The following CPQ variants were observed in gnomAD, a reference collection of about 807,000 sequenced individuals.
CPQ encodes carboxypeptidase Q.
A neutral mutation model predicts 45.7 loss-of-function variants in CPQ; 37 were observed. The observed-to-expected ratio is 0.81, with a 90% CI of 0.62 to 1.07. The LOEUF is 1.07. Among genes scored for constraint, CPQ ranks in the 50% least tolerant of loss-of-function variants. The pLI is 0.00. For missense variants in CPQ, 537 were observed against 572.9 expected (o/e 0.94, Z 0.64); for synonymous variants, 186 against 205.8 (o/e 0.90, Z 0.82).
At chr8:97,042,452 AT>A (rs1477505546) in intron 6 of CPQ, among the ~76,000 whole-genome samples, 1 of 151,994 alleles carries the variant, frequency 6.6e-6, no homozygotes, top group African/African-American at 2.4e-5. Flanking sequence ...GGATTCATTA[AT>A]TTTTTGAAGG....
At chr8:97,003,433 A>C (rs1031614005) in intron 5 of CPQ, among the ~76,000 whole-genome samples, 4 of 151,672 alleles carry the variant, frequency 2.6e-5, no homozygotes, top group Non-Finnish European at 5.9e-5. Flanking sequence ...TAGTGGAAAA[A>C]AAGACTTTAT....
intron 3 of CPQ, among the ~76,000 whole-genome samples, chr8:96,865,568 T>C (rs1239804148): frequency 6.6e-6 from 1 of 152,052 alleles, no homozygotes; most frequent in Non-Finnish European, 1.5e-5. Flanking sequence ...TATCTGACTT[T>C]GGAGGGGTTG....
intron 4 of CPQ, among the ~76,000 whole-genome samples, chr8:96,885,908 C>T (rs1586438476): frequency 6.6e-6 from 1 of 152,070 alleles, no homozygotes; most frequent in East Asian, 1.9e-4. Context: ...AGAAGAATGG[C>T]ATGAACCTGG....
In CPQ at chr8:96,915,306, T is replaced by C. The variant is rs1187758981; in HGVS notation, c.849+35301T>C. 3.9e-5 allele frequency among the ~76,000 whole-genome samples: 6 copies of C among 152,144 alleles called. No individual in the cohort carries two copies. In the East Asian group the frequency reaches 9.6e-4, roughly 24 times the overall value. On this transcript the variant is annotated intron_variant, in intron 4 of 7. Coordinates refer to ENST00000220763, the MANE Select transcript of CPQ (RefSeq NM_016134.4). ...CTTCCTATTCCAGGAGTGTACACAT[T>C]CTGTAACTAGAAGCCTACAGCTGTA...
intron 7 of CPQ, among the ~76,000 whole-genome samples, chr8:97,100,357 T>C (rs1811281401): frequency 6.6e-6 from 1 of 152,164 alleles, no homozygotes; most frequent in African/African-American, 2.4e-5. Context: ...CATAGAGCTA[T>C]AGACTTCCAA....
rs112108549 is a variant in CPQ at position 96,813,837 on chromosome 8, G to A, written c.434-21136G>A. Among the ~76,000 whole-genome samples, 244 of 152,198 alleles carry A rather than the reference G, an allele frequency of 1.6e-3. 2 individuals carry two copies. The highest frequency in any genetic ancestry group is 4.6e-3 in the African/African-American group (191 of 41,530). Reference sequence around the variant, plus strand: ...GGCCCTGGGTAGGGCAGAGCCTATAGGCTTTTAATTTTGACACCTGGGCAG... The same window carrying A: ...GGCCCTGGGTAGGGCAGAGCCTATAAGCTTTTAATTTTGACACCTGGGCAG... On this transcript the variant is annotated intron_variant, in intron 2 of 7. Transcript: ENST00000220763.
At chr8:96,910,998 A>G (rs1563526953) in intron 4 of CPQ, among the ~76,000 whole-genome samples, 1 of 151,978 alleles carries the variant, frequency 6.6e-6, no homozygotes, top group Non-Finnish European at 1.5e-5. Context: ...GGACTGAAAG[A>G]TGCAGTAAAA....
At chr8:97,046,668 T>C (rs1810262670) in intron 6 of CPQ, among the ~76,000 whole-genome samples, 1 of 152,174 alleles carries the variant, frequency 6.6e-6, no homozygotes, top group Admixed American at 6.5e-5. Flanking sequence ...CCCTGTGAAA[T>C]CAGAGGCAGT....
At chr8:96,770,245 A>G (rs1235514011) in intron 1 of CPQ, among the ~76,000 whole-genome samples, 1 of 152,100 alleles carries the variant, frequency 6.6e-6, no homozygotes, top group African/African-American at 2.4e-5. Context: ...TGTCACCTCC[A>G]CACTTTCTCA....
At chr8:96,998,181 C>T (rs191854883) in intron 5 of CPQ, among the ~76,000 whole-genome samples, 476 of 151,850 alleles carry the variant, frequency 3.1e-3, no homozygotes, top group African/African-American at 0.011. Flanking sequence ...TTAAAATCTT[C>T]AGAAAATAAA....
intron 6 of CPQ, among the ~76,000 whole-genome samples, chr8:97,058,279 A>T (rs1046570530): frequency 1.1e-4 from 17 of 152,036 alleles, no homozygotes; most frequent in East Asian, 1.9e-4. Flanking sequence ...CTATTTTTTT[A>T]AAAAATAACC....
intron 2 of CPQ, among the ~76,000 whole-genome samples, chr8:96,832,961 G>A (rs1405798294): frequency 6.6e-6 from 1 of 152,012 alleles, no homozygotes; most frequent in Non-Finnish European, 1.5e-5. Context: ...GGTATGGGAG[G>A]GCCAGGGAGT....
At chr8:97,057,465 G>A (rs1810473178) in intron 6 of CPQ, among the ~76,000 whole-genome samples, 1 of 152,072 alleles carries the variant, frequency 6.6e-6, no homozygotes, top group East Asian at 1.9e-4. Context: ...TCAAGGAGAT[G>A]GTGGTGCACT....
chr8:96,779,068 A>G (rs1191759546), intron 1 of CPQ, among the ~76,000 whole-genome samples: 2 of 151,680 alleles, frequency 1.3e-5, no homozygotes, highest in Non-Finnish European at 2.9e-5. Flanking sequence ...ATCTCCAAAA[A>G]AAAAAAAAAA....
chr8:96,750,634 C>G (rs1321519578), intron 1 of CPQ, among the ~76,000 whole-genome samples: 1 of 140,024 alleles, frequency 7.1e-6, no homozygotes. Flanking sequence ...CTCTCTTCAA[C>G]TTTTATTTTA....
chr8:97,029,106 TC>T (rs1809849931), intron 5 of CPQ, among the ~76,000 whole-genome samples: 1 of 152,200 alleles, frequency 6.6e-6, no homozygotes, highest in African/African-American at 2.4e-5. Context: ...ATCTTGGCCA[TC>T]CATTGGGTTC....
rs1123071 is a variant in CPQ, at chr8:96,723,722, T to A, written c.-34-61142T>A. ...ATTTAGAGACCATGTACTCTAATTT[T>A]ACTATGATTTAGTAGATGTTGGTTA... On this transcript the variant is annotated intron_variant, in intron 1 of 7. Transcript: ENST00000220763. 3.4e-4 allele frequency among the ~76,000 whole-genome samples: 52 copies of A among 152,294 alleles called. No individual in the cohort carries two copies. The East Asian group carries it at 8.9e-3, about 26-fold the overall frequency.
At chr8:96,694,843 G>T (rs1162362204) in intron 1 of CPQ, among the ~76,000 whole-genome samples, 2 of 152,078 alleles carry the variant, frequency 1.3e-5, no homozygotes, top group African/African-American at 2.4e-5. Context: ...CAAACTAATG[G>T]TGTATCTTAA....
intron 3 of CPQ, among the ~76,000 whole-genome samples, chr8:96,854,548 A>ACAAAAACAAAAC: frequency 8.4e-6 from 1 of 119,116 alleles, no homozygotes; most frequent in Non-Finnish European, 1.8e-5. Flanking sequence ...AAAAAAAAAA[A>ACAAAAACAAAAC]AAAAAAAAAA....
Sources: gnomAD v4.1 joint callset for allele counts (sites outside exome capture counted in the v4.1 genomes callset) on GRCh38, gnomAD v4.1.1 for gene constraint, MANE v1.5 for transcripts, NCBI Gene and HGNC (gene_info 2026-07-23, HGNC 2026-07-21) for gene names.